ZNF652: variants seen among roughly 807,000 people sequenced by gnomAD.
The protein encoded by ZNF652 is zinc finger protein 652.
In ZNF652, 16 loss-of-function variants were observed where a neutral mutation model predicts 45.2. That is an observed-to-expected ratio of 0.35 (90% CI 0.24 to 0.54). The LOEUF is 0.54. Among genes scored for constraint, ZNF652 ranks in the 20% least tolerant of loss-of-function variants. The pLI, the probability that ZNF652 is intolerant of heterozygous loss-of-function variation, is 0.91. For synonymous variants in ZNF652, 250 were observed against 260.6 expected (o/e 0.96, Z 0.39); for missense variants, 614 against 765.6 (o/e 0.80, Z 2.34).
Position 49,295,937 on chromosome 17 carries a change from C to CAAAAAAAAAAAAAAAAAAAAAAAA in ZNF652, c.*2452_*2475dup, listed in dbSNP as rs147522359. The CAAAAAAAAAAAAAAAAAAAAAAAA allele has an allele frequency of 2.0e-5, 1 of 51,254 alleles. No individual in the cohort carries two copies. Among genetic ancestry groups the CAAAAAAAAAAAAAAAAAAAAAAAA allele is most frequent in the Non-Finnish European group, 3.6e-5 (1 of 27,550 alleles). The allele number at this position is 51,254 out of a possible 1,614,324, so 3.2% of individuals were successfully genotyped here. On this transcript the variant is annotated 3_prime_UTR_variant, in exon 6 of 6. Transcript: ENST00000430262. ...CAGGCAACAGAACAAGACTCTGCCT[C>CAAAAAAAAAAAAAAAAAAAAAAAA]AAAAAAAAAAAAAAAAAAAAAAAAA...
chr17:49,329,788 A>G (rs1479711804), intron 1 of ZNF652, among the ~76,000 whole-genome samples: 1 of 152,230 alleles, frequency 6.6e-6, no homozygotes, highest in Non-Finnish European at 1.5e-5. Context: ...CTAGTAAAAG[A>G]GGACAAAGGA....
intron 5 of ZNF652, among the ~76,000 whole-genome samples, chr17:49,306,911 C>T (rs1756827535): frequency 1.3e-5 from 2 of 151,856 alleles, no homozygotes; most frequent in Admixed American, 1.3e-4. Flanking sequence ...CGCCACCACA[C>T]TTGGCTAATT....
At chr17:49,356,326 G>A (rs1482966606) in intron 1 of ZNF652, among the ~76,000 whole-genome samples, 3 of 149,646 alleles carry the variant, frequency 2.0e-5, no homozygotes, top group Non-Finnish European at 4.4e-5. Flanking sequence ...ACTTGGGGGA[G>A]GCTGAGGCAT....
At chr17:49,348,411 G>C (rs368222662) in intron 1 of ZNF652, among the ~76,000 whole-genome samples, 2 of 150,842 alleles carry the variant, frequency 1.3e-5, no homozygotes, top group Admixed American at 6.6e-5. Context: ...ACTTGAGCCC[G>C]GGAGATTGAG....
rs147522359 is a variant in ZNF652, at chr17:49,295,937, C to CAAAAAAAAAAAAAAAAAAAAAAAAA, written c.*2451_*2475dup. On this transcript the variant is annotated 3_prime_UTR_variant, in exon 6 of 6. Coordinates refer to ENST00000430262, the MANE Select transcript of ZNF652 (RefSeq NM_001145365.3). ...CAGGCAACAGAACAAGACTCTGCCT[C>CAAAAAAAAAAAAAAAAAAAAAAAAA]AAAAAAAAAAAAAAAAAAAAAAAAA... The CAAAAAAAAAAAAAAAAAAAAAAAAA allele has an allele frequency of 5.9e-5, 3 of 51,222 alleles. 1 individual carries two copies. The highest frequency in any genetic ancestry group is 3.6e-5 in the Non-Finnish European group (1 of 27,552). The allele number at this position is 51,222 out of a possible 1,614,324, so 3.2% of individuals were successfully genotyped here.
At chr17:49,299,522 A>C (rs935855288) in intron 5 of ZNF652, among the ~76,000 whole-genome samples, 1 of 152,108 alleles carries the variant, frequency 6.6e-6, no homozygotes, top group Non-Finnish European at 1.5e-5. Flanking sequence ...CTGAGACTAC[A>C]GGTGTGCACC....
chr17:49,302,429 C>T (rs910885033), intron 5 of ZNF652, among the ~76,000 whole-genome samples: 2 of 150,516 alleles, frequency 1.3e-5, no homozygotes, highest in African/African-American at 4.9e-5. Context: ...GCTGGGACTA[C>T]AGGCACGTAC....
intron 1 of ZNF652, chr17:49,361,336 A>AG (rs1454838286): frequency 6.6e-6 from 1 of 152,394 alleles, no homozygotes; most frequent in Non-Finnish European, 1.5e-5. Flanking sequence ...AAGAATCTTC[A>AG]GCAGAGCCTG....
rs181312919 is a variant in ZNF652 at position 49,345,493 on chromosome 17, C to T, written c.-259+16416G>A. Among the ~76,000 whole-genome samples the T allele has an allele frequency of 2.6e-3, 394 of 150,966 alleles. 12 individuals carry two copies. Among genetic ancestry groups the T allele is most frequent in the Admixed American group, 0.022 (328 of 15,208 alleles). On this transcript the variant is annotated intron_variant, in intron 1 of 5. Coordinates refer to ENST00000430262, the MANE Select transcript of ZNF652 (RefSeq NM_001145365.3). ...CTGGGATTACAGGCGTAAGCCACCGCGCCTGGCCGTGTTATTTCTTCAATA... is the reference window on the plus strand; with the variant it reads ...CTGGGATTACAGGCGTAAGCCACCGTGCCTGGCCGTGTTATTTCTTCAATA...
chr17:49,356,429 CAAAAAAAA>C lies in ZNF652; in HGVS notation c.-259+5472_-259+5479del, dbSNP rs35374808. On this transcript the variant is annotated intron_variant, in intron 1 of 5. Transcript: ENST00000430262. Reference sequence around the variant, plus strand: ...GGGGGACAGAACAAGACTCTGTCTGCAAAAAAAAAAAAAAAAAAAAAATCAAAACCAAA... The same window carrying C: ...GGGGGACAGAACAAGACTCTGTCTGCAAAAAAAAAAAAAATCAAAACCAAA... Among the ~76,000 whole-genome samples the C allele has an allele frequency of 2.8e-4, 12 of 42,348 alleles. No individual in the cohort carries two copies. The East Asian group carries it at 9.1e-3, about 32-fold the overall frequency. The allele number at this position is 42,348 out of a possible 152,430, so 27.8% of individuals were successfully genotyped here. A position where few individuals can be genotyped will look rare whatever the true frequency, so the allele number is the denominator to read the frequency against.
At position 49,311,301 on chromosome 17, in the gene ZNF652, G is replaced by A. The variant is rs1329102436; in HGVS notation, c.1309+11C>T. On this transcript the variant is annotated intron_variant, in intron 5 of 5. Coordinates refer to ENST00000430262, the MANE Select transcript of ZNF652 (RefSeq NM_001145365.3). ...GAGACATTATCTGTACCTTTCCCAA[G>A]AAATTCTTACCAGTGTGTGTTTTCA... 6.2e-7 allele frequency: 1 copy of A among 1,613,338 alleles called. No homozygotes were observed. The highest frequency in any genetic ancestry group is 1.3e-5 in the African/African-American group (1 of 74,898).
chr17:49,297,039 A>G lies in ZNF652; in HGVS notation c.*1374T>C, dbSNP rs1405640963. ...ATAATTTGCAGAGGACAGGGCAGTAAAACTTAGGAGTTTTCCCTCACTATA... is the reference window on the plus strand; with the variant it reads ...ATAATTTGCAGAGGACAGGGCAGTAGAACTTAGGAGTTTTCCCTCACTATA... On this transcript the variant is annotated 3_prime_UTR_variant, in exon 6 of 6. Coordinates refer to ENST00000430262, the MANE Select transcript of ZNF652 (RefSeq NM_001145365.3). The G allele has an allele frequency of 6.6e-6, 1 of 152,186 alleles. No individual in the cohort carries two copies. The highest frequency in any genetic ancestry group is 2.4e-5 in the African/African-American group (1 of 41,440). 9.4% of individuals were successfully genotyped at this position (152,186 alleles called of 1,614,324 possible).
chr17:49,313,744 A>G (rs1333879107), intron 2 of ZNF652, among the ~76,000 whole-genome samples: 2 of 151,870 alleles, frequency 1.3e-5, no homozygotes, highest in African/African-American at 2.4e-5. Flanking sequence ...AGGCCAAGAC[A>G]GGAGGATCAC....
Position 49,294,943 on chromosome 17 carries a change from AAG to A in ZNF652, c.*3468_*3469del, listed in dbSNP as rs1456118516. ...TCATGGGGTGCTGTAGCATATATGG[AAG>A]AGAACATACCACATAATGCAACTTT... On this transcript the variant is annotated 3_prime_UTR_variant, in exon 6 of 6. Transcript: ENST00000430262. The A allele has an allele frequency of 1.3e-5, 2 of 152,172 alleles. No individual in the cohort carries two copies. The highest frequency in any genetic ancestry group is 4.8e-5 in the African/African-American group (2 of 41,428). The allele number at this position is 152,172 out of a possible 1,614,324, so 9.4% of individuals were successfully genotyped here.
chr17:49,317,679 GCA>G lies in ZNF652; in HGVS notation c.45_46del (p.Ala16CysfsTer11), dbSNP rs1442328112. The G allele has an allele frequency of 1.2e-6, 2 of 1,606,020 alleles. No homozygotes were observed. The highest frequency in any genetic ancestry group is 2.2e-5 in the South Asian group (2 of 90,812). ...TTGTGCCATTCCTGCTACATGCACAGCACAGTTTTCAACCAGCTCCTGACAAG... is the reference window on the plus strand; with the variant it reads ...TTGTGCCATTCCTGCTACATGCACAGCAGTTTTCAACCAGCTCCTGACAAG... On this transcript the variant is annotated frameshift_variant, in exon 2 of 6. Transcript: ENST00000430262. LOFTEE classifies it high-confidence loss of function.
At position 49,291,509 on chromosome 17, in the gene ZNF652, T is replaced by TGACG. The variant is rs1457692213; in HGVS notation, c.*6900_*6903dup. The TGACG allele has an allele frequency of 6.6e-6, 1 of 152,252 alleles. No individual in the cohort carries two copies. The highest frequency in any genetic ancestry group is 2.4e-5 in the African/African-American group (1 of 41,464). 9.4% of individuals were successfully genotyped at this position (152,252 alleles called of 1,614,324 possible). ...ACATCCCTGATCTCACCAGAGAAGCTGACGTAGTGTGAAAGTAACCTGCGA... is the reference window on the plus strand; with the variant it reads ...ACATCCCTGATCTCACCAGAGAAGCTGACGGACGTAGTGTGAAAGTAACCTGCGA... On this transcript the variant is annotated 3_prime_UTR_variant, in exon 6 of 6. Coordinates refer to ENST00000430262, the MANE Select transcript of ZNF652 (RefSeq NM_001145365.3).
intron 3 of ZNF652, among the ~76,000 whole-genome samples, chr17:49,312,268 T>C (rs1372024934): frequency 6.8e-6 from 1 of 147,478 alleles, no homozygotes; most frequent in African/African-American, 2.5e-5. Flanking sequence ...TGGGTTCAAG[T>C]GATTATCCTG....
At chr17:49,351,286 T>C (rs777103277) in intron 1 of ZNF652, among the ~76,000 whole-genome samples, 2 of 151,866 alleles carry the variant, frequency 1.3e-5, no homozygotes, top group Non-Finnish European at 2.9e-5. Flanking sequence ...CATAACACTA[T>C]GGGAATTCAG....
At chr17:49,318,570 T>C (rs1164741597) in intron 1 of ZNF652, among the ~76,000 whole-genome samples, 1 of 152,218 alleles carries the variant, frequency 6.6e-6, no homozygotes, top group East Asian at 1.9e-4. Context: ...ATACAGTATA[T>C]ATTTGATGAA....
Sources: allele counts gnomAD v4.1 joint callset (sites outside exome capture counted in the v4.1 genomes callset), GRCh38; gene constraint gnomAD v4.1.1; transcripts MANE v1.5; gene names NCBI Gene and HGNC (gene_info 2026-07-23, HGNC 2026-07-21).